RAP1GAP: variants seen among roughly 807,000 people sequenced by gnomAD.
The protein encoded by RAP1GAP is RAP1 GTPase activating protein.
In RAP1GAP, 35 loss-of-function variants were observed where a neutral mutation model predicts 87.2. The ratio of observed to expected loss-of-function variants is 0.40; its 90% CI spans 0.31 to 0.53. The LOEUF (loss-of-function observed/expected upper bound fraction) is 0.53. Ranked by LOEUF, RAP1GAP falls within the 20% of genes least tolerant of loss-of-function variation. The pLI is 0.48. For missense variants in RAP1GAP, 734 were observed against 898.9 expected, an observed-to-expected ratio of 0.82 and a Z score of 2.35; for synonymous variants, 375 against 363.9, an observed-to-expected ratio of 1.03 and a Z score of -0.35.
chr1:21,608,011 C>G (rs1447772989), intron 17 of RAP1GAP, among the ~76,000 whole-genome samples: 3 of 152,012 alleles, frequency 2.0e-5, no homozygotes, highest in South Asian at 2.1e-4. Context: ...GCCACGCCCC[C>G]TCTCAGACTC....
At chr1:21,610,067 A>G in intron 14 of RAP1GAP, 53 bp downstream of exon 14, 1 of 1,590,590 alleles carries the variant, frequency 6.3e-7, no homozygotes, top group Non-Finnish European at 8.6e-7. Flanking sequence ...GGGAGGGCAG[A>G]GCTGCAGCCA....
At position 21,603,114 on chromosome 1, in the gene RAP1GAP, C is replaced by G; in HGVS notation, c.1429-201G>C. The G allele has an allele frequency of 1.8e-6, 1 of 564,768 alleles. No individual in the cohort carries two copies. The highest frequency in any genetic ancestry group is 2.2e-5 in the South Asian group (1 of 45,130). The allele number at this position is 564,768 out of a possible 1,614,324, so 35.0% of individuals were successfully genotyped here. A position where few individuals can be genotyped will look rare whatever the true frequency, so the allele number is the denominator to read the frequency against. ...TCCCCAGGAGGGCAAGGGGCTCTCC[C>G]GAGCTCACACGGCAGGACTGCACGT... On this transcript the variant is annotated intron_variant, in intron 18 of 24. Transcript: ENST00000374765. The surrounding 1 kb of genome is among the most constrained non-coding windows in gnomAD (Gnocchi z 6.0).
At position 21,603,934 on chromosome 1, in the gene RAP1GAP, G is replaced by A. The variant is rs992164317; in HGVS notation, c.1429-1021C>T. The A allele has an allele frequency of 1.3e-6, 2 of 1,500,382 alleles. No homozygotes were observed. The highest frequency in any genetic ancestry group is 1.4e-5 in the African/African-American group (1 of 72,124). 92.9% of individuals were successfully genotyped at this position (1,500,382 alleles called of 1,614,324 possible). ...ATGACTGGCAAGCAGCAGAGGGCGG[G>A]GGCAGAGAGAGAGAGACAGAGAGAG... On this transcript the variant is annotated intron_variant, in intron 18 of 24. Coordinates refer to ENST00000374765, the MANE Select transcript of RAP1GAP (RefSeq NM_002885.4). The surrounding 1 kb of genome is among the most constrained non-coding windows in gnomAD (Gnocchi z 6.0).
chr1:21,613,134 A>T lies in RAP1GAP; in HGVS notation c.528+42T>A, dbSNP rs752196474. The T allele has an allele frequency of 2.0e-6, 3 of 1,517,542 alleles. No homozygotes were observed. The African/African-American group carries it at 4.1e-5, about 21-fold the overall frequency. 94.0% of individuals were successfully genotyped at this position (1,517,542 alleles called of 1,614,324 possible). ...TTAATAAATGCTCAGTCTTCCAGTT[A>T]CTCACCCACCCTCAGTGAGCTGTGC... is the stretch of plus-strand genomic sequence containing the variant. On this transcript the variant is annotated intron_variant, in intron 10 of 24. Coordinates refer to ENST00000374765, the MANE Select transcript of RAP1GAP (RefSeq NM_002885.4). This position sits in a 1 kb window ranked among gnomAD's most constrained non-coding sequence, Gnocchi z 4.7.
At chr1:21,611,972 G>A (rs1570653700) in intron 11 of RAP1GAP, 54 bp downstream of exon 11, 14 of 1,492,620 alleles carry the variant, frequency 9.4e-6, no homozygotes, top group Admixed American at 7.8e-5. Flanking sequence ...AAAGGTGTGA[G>A]GCTCCAGATA....
intron 1 of RAP1GAP, among the ~76,000 whole-genome samples, chr1:21,653,585 TTCC>T (rs2096729679): frequency 1.6e-5 from 2 of 128,168 alleles, no homozygotes; most frequent in African/African-American, 5.7e-5. Context: ...CCTTCCTTCC[TTCC>T]TTCCTCCCTC....
chr1:21,656,300 A>G (rs947526485), intron 1 of RAP1GAP, among the ~76,000 whole-genome samples: 2 of 151,464 alleles, frequency 1.3e-5, no homozygotes, highest in South Asian at 2.1e-4. Context: ...GCGTGGTGGC[A>G]CCCAGCTACT....
In RAP1GAP at chr1:21,611,353, C is replaced by T. The variant is rs1346453345; in HGVS notation, c.843+99G>A. On this transcript the variant is annotated intron_variant, in intron 13 of 24. Transcript: ENST00000374765. The stretch of plus-strand genomic sequence containing the variant: ...GCGCTGATCATTTCCATCTCCATCC[C>T]AGGGCCCAGCGCTGAGCCTGGCGTG... 4.1e-6 allele frequency: 6 copies of T among 1,449,730 alleles called. No homozygotes were observed. In the African/African-American group the frequency reaches 7.0e-5, roughly 17 times the overall value. The allele number at this position is 1,449,730 out of a possible 1,614,324, so 89.8% of individuals were successfully genotyped here.
At chr1:21,651,686 C>T in intron 1 of RAP1GAP, 2 of 1,327,402 alleles carry the variant, frequency 1.5e-6, no homozygotes, top group Non-Finnish European at 2.1e-6. Context: ...GGCCCACCCG[C>T]CCAAACGCGA....
chr1:21,653,884 C>A (rs1335923408), intron 1 of RAP1GAP, among the ~76,000 whole-genome samples: 1 of 152,126 alleles, frequency 6.6e-6, no homozygotes, highest in Non-Finnish European at 1.5e-5. Context: ...TTCTGCATGC[C>A]CAGTTGGCAG....
At chr1:21,617,239 C>A in intron 7 of RAP1GAP, 67 bp downstream of exon 7, 1 of 1,510,432 alleles carries the variant, frequency 6.6e-7, no homozygotes. Context: ...CCCTCCCAGG[C>A]CCACCTCGAA....
chr1:21,651,998 G>C (rs1023613492), intron 1 of RAP1GAP: 1 of 344,056 alleles, frequency 2.9e-6, no homozygotes, highest in African/African-American at 2.2e-5. Context: ...AGGGCCGCTT[G>C]TTCGCGCCGC....
rs1404111691 is a variant in RAP1GAP at position 21,669,015 on chromosome 1, G to A, written c.-149+239C>T. On this transcript the variant is annotated intron_variant, in intron 1 of 24. Transcript: ENST00000374765. The surrounding 1 kb of genome is among the most constrained non-coding windows in gnomAD (Gnocchi z 5.6). ...CGGCCTGGACCAAGTCCAACAGGCT[G>A]GGGGTTCAGCCGGCTCAGTCCAGGC... Among the ~76,000 whole-genome samples, 1 of 151,826 alleles carries A rather than the reference G, an allele frequency of 6.6e-6. No individual in the cohort carries two copies. Among genetic ancestry groups the A allele is most frequent in the Non-Finnish European group, 1.5e-5 (1 of 67,840 alleles).
chr1:21,602,478 C>T (rs2069530692), intron 19 of RAP1GAP, among the ~76,000 whole-genome samples: 1 of 152,248 alleles, frequency 6.6e-6, no homozygotes, highest in Non-Finnish European at 1.5e-5. Context: ...GGCCCTCCCA[C>T]ATGCGCTGGG....
At chr1:21,598,935 G>A (rs1054818481) in intron 21 of RAP1GAP, among the ~76,000 whole-genome samples, 5 of 152,270 alleles carry the variant, frequency 3.3e-5, no homozygotes, top group African/African-American at 9.6e-5. Context: ...AGGAACAGGG[G>A]CCCACTGATG....
At chr1:21,636,559 C>A (rs2094694972) in intron 2 of RAP1GAP, among the ~76,000 whole-genome samples, 1 of 152,182 alleles carries the variant, frequency 6.6e-6, no homozygotes, top group Non-Finnish European at 1.5e-5. Flanking sequence ...ATAATCCCAG[C>A]ACTCTGGGAG....
In RAP1GAP at chr1:21,634,759, T is replaced by C; in HGVS notation, c.-112-8362A>G. On this transcript the variant is annotated intron_variant, in intron 2 of 24. Coordinates refer to ENST00000374765, the MANE Select transcript of RAP1GAP (RefSeq NM_002885.4). The surrounding 1 kb of genome is among the most constrained non-coding windows in gnomAD (Gnocchi z 4.1). ...GCATCTGGGAACCAGGCCACCCATT[T>C]ACCTGCTGTCTATCCAGCATCTGTC... 1 of 478,012 alleles carries C rather than the reference T, an allele frequency of 2.1e-6. No homozygotes were observed. The highest frequency in any genetic ancestry group is 1.5e-5 in the South Asian group (1 of 65,392). The allele number at this position is 478,012 out of a possible 1,614,324, so 29.6% of individuals were successfully genotyped here.
At position 21,649,828 on chromosome 1, in the gene RAP1GAP, G is replaced by A. The variant is rs937816227; in HGVS notation, c.-148-32C>T. The stretch of plus-strand genomic sequence containing the variant: ...CACAACAAGAGGGGCCATAGGTGAG[G>A]GGACATCCCTTCTCACCAGCTTGGC... On this transcript the variant is annotated intron_variant, in intron 1 of 24. Transcript: ENST00000374765. 6 of 1,548,822 alleles carry A rather than the reference G, an allele frequency of 3.9e-6. No individual in the cohort carries two copies. In the African/African-American group the frequency reaches 5.5e-5, roughly 14 times the overall value.
At chr1:21,602,980 T>G in intron 18 of RAP1GAP, 67 bp from the exon 19 acceptor site, 4 of 1,177,630 alleles carry the variant, frequency 3.4e-6, no homozygotes, top group Non-Finnish European at 4.9e-6. Flanking sequence ...CCACATCCCC[T>G]CTGGGGATCC....
Sources: gnomAD v4.1 joint callset for allele counts (sites outside exome capture counted in the v4.1 genomes callset) on GRCh38, gnomAD v4.1.1 for gene constraint, Gnocchi (gnomAD v3.1) non-coding constraint, MANE v1.5 for transcripts, NCBI Gene and HGNC (gene_info 2026-07-23, HGNC 2026-07-21) for gene names.